The following FNBP4 variants were observed in gnomAD, a reference collection of about 807,000 sequenced individuals.
FNBP4 encodes the protein formin binding protein 4.
A neutral mutation model predicts 119.3 loss-of-function variants in FNBP4; 34 were observed. The ratio of observed to expected loss-of-function variants is 0.28; its 90% confidence interval spans 0.22 to 0.38. FNBP4 has a LOEUF of 0.38. Among genes scored for constraint, FNBP4 ranks in the 10% least tolerant of loss-of-function variants. FNBP4 has a pLI of 1.00. For synonymous variants in FNBP4, 462 were observed against 430.6 expected, an observed-to-expected ratio of 1.07 and a Z score of -0.90; for missense variants, 1,112 against 1,228.9, an observed-to-expected ratio of 0.90 and a Z score of 1.42.
intron 12 of FNBP4, chr11:47,726,360 G>A (rs1035508891): frequency 6.6e-6 from 1 of 150,542 alleles, no homozygotes; most frequent in Non-Finnish European, 1.5e-5. Context: ...TCAGCTTCCC[G>A]AATTGCTAGG....
At chr11:47,764,790 T>C (rs1453041453) in intron 2 of FNBP4, among the ~76,000 whole-genome samples, 1 of 152,188 alleles carries the variant, frequency 6.6e-6, no homozygotes, top group Non-Finnish European at 1.5e-5. Context: ...CAATTAGTAA[T>C]TGCGCCAAAG....
At chr11:47,748,835 C>T (rs759629725) in intron 6 of FNBP4, among the ~76,000 whole-genome samples, 1 of 151,816 alleles carries the variant, frequency 6.6e-6, no homozygotes, top group East Asian at 1.9e-4. Context: ...TTTTAATAGA[C>T]GGGGTTTTAC....
intron 2 of FNBP4, among the ~76,000 whole-genome samples, chr11:47,763,903 T>A (rs926422543): frequency 2.0e-5 from 3 of 152,156 alleles, no homozygotes; most frequent in Admixed American, 6.6e-5. Flanking sequence ...AATTTGTATA[T>A]CAGCTACCTA....
At position 47,753,197 on chromosome 11, in the gene FNBP4, G is replaced by A. The variant is rs900946642; in HGVS notation, c.451-95C>T. 5.6e-5 allele frequency: 54 copies of A among 965,856 alleles called. No individual in the cohort carries two copies. The African/African-American group carries it at 6.4e-4, about 12-fold the overall frequency. 59.8% of individuals were successfully genotyped at this position (965,856 alleles called of 1,614,324 possible). On this transcript the variant is annotated intron_variant, in intron 3 of 16. Coordinates refer to ENST00000263773, the MANE Select transcript of FNBP4 (RefSeq NM_015308.5). The stretch of plus-strand genomic sequence containing the variant: ...ACTTTTTAAAAATTCTACATGAGCC[G>A]GGCACAGTGGCTCACACCTACAGTT...
intron 15 of FNBP4, among the ~76,000 whole-genome samples, chr11:47,722,034 AAAAAAAAAAAAAAAAAAAAG>A (rs2097556282): frequency 3.0e-5 from 3 of 100,838 alleles, no homozygotes; most frequent in African/African-American, 1.0e-4. Flanking sequence ...AAAAAAAAAA[AAAAAAAAAAAAAAAAAAAAG>A]GAAAAAAAAA....
In FNBP4 at chr11:47,743,725, T is replaced by C. The variant is rs1405445773; in HGVS notation, c.1456+228A>G. On this transcript the variant is annotated intron_variant, in intron 8 of 16. Transcript: ENST00000263773. ...ACAGAGAGAAGAAATGGGACTGGAC[T>C]CTGAATACACCACCATCCAGTGGGT... 1.1e-5 allele frequency: 6 copies of C among 547,192 alleles called. No homozygotes were observed. In the East Asian group the frequency reaches 1.9e-4, roughly 17 times the overall value. The allele number at this position is 547,192 out of a possible 1,614,324, so 33.9% of individuals were successfully genotyped here. A position where few individuals can be genotyped will look rare whatever the true frequency, so the allele number is the denominator to read the frequency against.
intron 2 of FNBP4, among the ~76,000 whole-genome samples, chr11:47,758,284 T>A (rs1166725679): frequency 6.6e-6 from 1 of 152,068 alleles, no homozygotes; most frequent in Admixed American, 6.6e-5. Context: ...CCATGTTGCC[T>A]AGGCTCATCT....
chr11:47,718,661 A>G (rs569405135), intron 16 of FNBP4, among the ~76,000 whole-genome samples: 2 of 152,360 alleles, frequency 1.3e-5, no homozygotes, highest in Non-Finnish European at 2.9e-5. Context: ...GAAATCTGGC[A>G]TCAGTAATAG....
At chr11:47,743,513 G>A (rs138287651) in intron 8 of FNBP4, among the ~76,000 whole-genome samples, 1 of 152,168 alleles carries the variant, frequency 6.6e-6, no homozygotes, top group Non-Finnish European at 1.5e-5. Flanking sequence ...AATAATTAGG[G>A]CCAAATGGAG....
At chr11:47,722,765 AT>A (rs1455694851) in intron 15 of FNBP4, among the ~76,000 whole-genome samples, 1 of 151,716 alleles carries the variant, frequency 6.6e-6, no homozygotes, top group African/African-American at 2.4e-5. Flanking sequence ...TAATTTTTGT[AT>A]TTTTAGTAGA....
intron 6 of FNBP4, among the ~76,000 whole-genome samples, chr11:47,749,289 A>C (rs1031847850): frequency 7.3e-6 from 1 of 136,742 alleles, no homozygotes; most frequent in East Asian, 2.2e-4. Context: ...GTAAATAAAA[A>C]GGAAAGGTGC....
At chr11:47,766,315 G>T (rs2097647667) in intron 1 of FNBP4, among the ~76,000 whole-genome samples, 1 of 151,748 alleles carries the variant, frequency 6.6e-6, no homozygotes, top group South Asian at 2.1e-4. Context: ...ACATTGTCTC[G>T]AAAAAAACAA....
At chr11:47,754,405 A>T (rs2097611553) in intron 3 of FNBP4, 123 bp downstream of exon 3, 1 of 896,052 alleles carries the variant, frequency 1.1e-6, no homozygotes, top group Non-Finnish European at 1.7e-6. Flanking sequence ...AATACAAGAG[A>T]GTGTTGGAGG....
chr11:47,744,028 G>C lies in FNBP4; in HGVS notation c.1381C>G (p.Arg461Gly), dbSNP rs777596086. Residue 461 changes from arginine (R) to glycine (G), a missense_variant, in exon 8 of 17, where the codon CGA becomes GGA. Coordinates refer to ENST00000263773, the MANE Select transcript of FNBP4 (RefSeq NM_015308.5). Reference protein sequence around the residue: ...SKRGKWKMFVRATSPESTSRS... With the variant: ...SKRGKWKMFVGATSPESTSRS... ...CTGGTAGATTCTGGACTGGTAGCTC[G>C]AACAAACATCTTCCATTTTCCTCTT... 16 of 1,613,944 alleles carry C rather than the reference G, an allele frequency of 9.9e-6. No homozygotes were observed. The highest frequency in any genetic ancestry group is 1.6e-4 in the Middle Eastern group (1 of 6,082).
chr11:47,751,221 G>A lies in FNBP4; in HGVS notation c.707C>T (p.Thr236Ile). ...CTCCCAAGTCACTTCATTTGTTTGT[G>A]TATTCCAATAATAATAACATCCCGT... ...ENTGCYYYWN[T>I]QTNEVTWELP... Residue 236 changes from threonine to isoleucine, a missense_variant, in exon 5 of 17, where the codon ACA becomes ATA. By Grantham distance (89) the Thr-to-Ile change is moderately conservative. This residue lies in a region of FNBP4 where 826 missense variants were observed against 988.8 expected (regional missense o/e 0.84). Transcript: ENST00000263773. 2 of 1,614,068 alleles carry A rather than the reference G, an allele frequency of 1.2e-6. No homozygotes were observed. Among genetic ancestry groups the A allele is most frequent in the Non-Finnish European group, 1.7e-6 (2 of 1,179,984 alleles).
chr11:47,737,595 G>A (rs565580932), intron 8 of FNBP4, among the ~76,000 whole-genome samples: 10 of 150,244 alleles, frequency 6.7e-5, no homozygotes, highest in African/African-American at 1.5e-4. Flanking sequence ...AGGTGCCACC[G>A]TGTTCAGCTA....
chr11:47,724,475 G>C lies in FNBP4; in HGVS notation c.2312C>G (p.Thr771Ser). 1 of 1,614,244 alleles carries C rather than the reference G, an allele frequency of 6.2e-7. No individual in the cohort carries two copies. The highest frequency in any genetic ancestry group is 8.5e-7 in the Non-Finnish European group (1 of 1,180,040). Reference protein sequence around the residue: ...LKPSAQTTVVTSQSSVDSTIS... With the variant: ...LKPSAQTTVVSSQSSVDSTIS... ...CCAAAGGGAATTACTTACCTGGCTA[G>C]TTACAACTGTGGTTTGTGCTGAAGG... Residue 771 changes from threonine (T) to serine (S), a missense_variant, in exon 13 of 17, where the codon ACT becomes AGT. Around this residue, in one of 2 missense-constraint regions of FNBP4, gnomAD observed 826 missense variants for 988.8 expected, o/e 0.84. Transcript: ENST00000263773.
intron 4 of FNBP4, 152 bp from the exon 5 acceptor site, chr11:47,751,442 G>A (rs1000381097): frequency 7.3e-6 from 6 of 827,336 alleles, no homozygotes; most frequent in Non-Finnish European, 1.1e-5. Flanking sequence ...ATCCTATGTG[G>A]AGGTTTTAGC....
intron 12 of FNBP4, chr11:47,729,396 A>C: frequency 1.0e-6 from 1 of 985,418 alleles, no homozygotes; most frequent in South Asian, 4.7e-5. Context: ...CATCTTTAAA[A>C]ACATAATGTT....
Sources: gnomAD v4.1 joint callset for allele counts (sites outside exome capture counted in the v4.1 genomes callset) on GRCh38, gnomAD v4.1.1 for gene constraint, gnomAD v4.1.1 regional missense constraint, MANE v1.5 for transcripts, NCBI Gene and HGNC (gene_info 2026-07-23, HGNC 2026-07-21) for gene names.